The following GLIS3 variants were observed in gnomAD, a reference collection of about 807,000 sequenced individuals.
The protein encoded by GLIS3 is GLIS family zinc finger 3.
GLIS3 carries 53 observed loss-of-function variants against 78.6 expected under a neutral mutation model. That is an observed-to-expected ratio of 0.67 (90% CI 0.54 to 0.85). The LOEUF (loss-of-function observed/expected upper bound fraction) is 0.85, where lower values mean the gene tolerates loss of function less well. Among genes scored for constraint, GLIS3 ranks in the 40% least tolerant of loss-of-function variants. The probability of loss-of-function intolerance (pLI) is 0.00; values close to 1 mark genes in which losing one functional copy is unlikely to be tolerated. For missense variants in GLIS3, 1,703 were observed against 1,231.1 expected (o/e 1.38, Z -5.74); for synonymous variants, 684 against 509.9 (o/e 1.34, Z -4.60).
intron 2 of GLIS3, among the ~76,000 whole-genome samples, chr9:4,203,963 G>A (rs1014474932): frequency 1.3e-5 from 2 of 152,202 alleles, no homozygotes; most frequent in African/African-American, 4.8e-5. Context: ...CTACAGTGGG[G>A]AAAGAGAAAT....
At chr9:4,101,883 G>A (rs1421590319) in intron 4 of GLIS3, among the ~76,000 whole-genome samples, 1 of 152,174 alleles carries the variant, frequency 6.6e-6, no homozygotes, top group Admixed American at 6.6e-5. Flanking sequence ...TCAGAAGAAT[G>A]AACTAGGTTT....
At chr9:3,888,946 A>C (rs1271850565) in intron 7 of GLIS3, among the ~76,000 whole-genome samples, 15 of 152,224 alleles carry the variant, frequency 9.9e-5, no homozygotes, top group Non-Finnish European at 1.5e-5. Context: ...AGCATGTGAC[A>C]TCCCTGTTAG....
intron 2 of GLIS3, among the ~76,000 whole-genome samples, chr9:4,209,973 A>T (rs901762673): frequency 6.6e-5 from 10 of 152,196 alleles, no homozygotes; most frequent in African/African-American, 2.4e-4. Context: ...TTTTCCATCA[A>T]TATCAGTCTA....
chr9:4,355,489 C>T, the GLIS3 span, among the ~76,000 whole-genome samples: 1 of 152,146 alleles, frequency 6.6e-6, no homozygotes, highest in Non-Finnish European at 1.5e-5. Context: ...TTTCCTTTGA[C>T]ACAGTACATA....
At chr9:4,427,856 TA>T in the GLIS3 span, among the ~76,000 whole-genome samples, 6 of 149,308 alleles carry the variant, frequency 4.0e-5, 1 homozygote, top group Non-Finnish European at 6.0e-5. Context: ...AAGACTCCAT[TA>T]AAAAAAAAGA....
the GLIS3 span, among the ~76,000 whole-genome samples, chr9:4,413,460 A>G: frequency 6.6e-6 from 1 of 152,170 alleles, no homozygotes; most frequent in East Asian, 1.9e-4. Flanking sequence ...CTAAGCCTGC[A>G]CATTTTGAAC....
intron 2 of GLIS3, among the ~76,000 whole-genome samples, chr9:4,194,874 T>C (rs1273676273): frequency 6.6e-6 from 1 of 152,196 alleles, no homozygotes; most frequent in Non-Finnish European, 1.5e-5. Context: ...AAAAGCTGCA[T>C]ATGTTTTCCC....
In GLIS3 at chr9:4,242,419, A is replaced by G. The variant is rs1399146322; in HGVS notation, c.388+43619T>C. On this transcript the variant is annotated intron_variant, in intron 2 of 10. Transcript: ENST00000381971. ...AACAATTCCCTTTATTCAGGGCTCT[A>G]TAGGAATCCAGCTGCTCCCTCTGAG... Among the ~76,000 whole-genome samples, 5 of 152,180 alleles carry G rather than the reference A, an allele frequency of 3.3e-5. No homozygotes were observed. In the East Asian group the frequency reaches 7.7e-4, roughly 23 times the overall value.
chr9:3,876,435 A>G (rs1207347172), intron 8 of GLIS3, among the ~76,000 whole-genome samples: 1 of 151,582 alleles, frequency 6.6e-6, no homozygotes, highest in African/African-American at 2.4e-5. Flanking sequence ...GGAAATCTGA[A>G]TAGCAAGTAA....
chr9:4,451,941 G>T, the GLIS3 span, among the ~76,000 whole-genome samples: 1 of 147,208 alleles, frequency 6.8e-6, no homozygotes, highest in Non-Finnish European at 1.5e-5. Flanking sequence ...CTGGCAAACG[G>T]AATCCAGCAG....
At chr9:4,367,633 CAAAAAAAAAAA>C in the GLIS3 span, among the ~76,000 whole-genome samples, 11 of 62,000 alleles carry the variant, frequency 1.8e-4, no homozygotes, top group Non-Finnish European at 3.4e-4. Context: ...GACTCCATCT[CAAAAAAAAAAA>C]AAAAAAAAAA....
At chr9:4,456,413 G>A in the GLIS3 span, among the ~76,000 whole-genome samples, 1 of 152,196 alleles carries the variant, frequency 6.6e-6, no homozygotes, top group Non-Finnish European at 1.5e-5. Context: ...TCTCTAGCAT[G>A]TGATGTTATT....
intron 6 of GLIS3, among the ~76,000 whole-genome samples, chr9:3,930,788 C>CA (rs989897002): frequency 6.6e-6 from 1 of 151,990 alleles, no homozygotes; most frequent in African/African-American, 2.4e-5. Context: ...AACTTGGAGG[C>CA]AAAAAATGAT....
upstream of GLIS3, among the ~76,000 whole-genome samples, chr9:4,351,812 G>C (rs1310558084): frequency 6.6e-6 from 1 of 151,914 alleles, no homozygotes; most frequent in Admixed American, 6.6e-5. Flanking sequence ...CTTTAAGCTA[G>C]AAAACTGGAG....
At chr9:4,215,298 G>A (rs1820718109) in intron 2 of GLIS3, among the ~76,000 whole-genome samples, 1 of 151,286 alleles carries the variant, frequency 6.6e-6, no homozygotes, top group South Asian at 2.1e-4. Flanking sequence ...TTGCCTGTGA[G>A]GGGAGAGATG....
At chr9:4,173,393 A>G (rs1472405827) in intron 2 of GLIS3, among the ~76,000 whole-genome samples, 2 of 152,002 alleles carry the variant, frequency 1.3e-5, no homozygotes, top group Non-Finnish European at 2.9e-5. Flanking sequence ...AACTCTTCCT[A>G]TTTATTAACC....
At chr9:4,121,359 T>G (rs1372760230) in intron 3 of GLIS3, among the ~76,000 whole-genome samples, 1 of 152,172 alleles carries the variant, frequency 6.6e-6, no homozygotes, top group Non-Finnish European at 1.5e-5. Context: ...AATTTCAAAG[T>G]CTTTTAACAG....
the GLIS3 span, among the ~76,000 whole-genome samples, chr9:4,468,528 C>T: frequency 2.6e-5 from 4 of 152,134 alleles, no homozygotes; most frequent in Non-Finnish European, 5.9e-5. Context: ...TCATATCCAG[C>T]CAAACTAAAC....
intron 4 of GLIS3, among the ~76,000 whole-genome samples, chr9:4,069,672 T>G (rs1416535024): frequency 6.6e-6 from 1 of 152,110 alleles, no homozygotes; most frequent in African/African-American, 2.4e-5. Flanking sequence ...TGAAAGTAAA[T>G]GTAGAGAGGT....
Sources: allele counts gnomAD v4.1 joint callset (sites outside exome capture counted in the v4.1 genomes callset), GRCh38; gene constraint gnomAD v4.1.1; transcripts MANE v1.5; gene names NCBI Gene and HGNC (gene_info 2026-07-23, HGNC 2026-07-21).